ITPR1: variants seen among roughly 807,000 people sequenced by gnomAD.
The protein encoded by ITPR1 is inositol 1,4,5-trisphosphate-gated calcium channel ITPR1.
In ITPR1, 96 loss-of-function variants were observed where a neutral mutation model predicts 318.4. That is an observed-to-expected ratio of 0.30 (90% CI 0.26 to 0.36). The LOEUF (loss-of-function observed/expected upper bound fraction) is 0.36, where lower values mean the gene tolerates loss of function less well. ITPR1 is among the 10% of genes least tolerant of loss of function. The pLI, the probability that ITPR1 is intolerant of heterozygous loss-of-function variation, is 1.00. For synonymous variants in ITPR1, 1,312 were observed against 1,289.9 expected (o/e 1.02, Z -0.37); for missense variants, 2,440 against 3,460.2 (o/e 0.71, Z 7.40).
chr3:4,675,843 T>G (rs1217172183), intron 23 of ITPR1, among the ~76,000 whole-genome samples: 3 of 152,238 alleles, frequency 2.0e-5, no homozygotes, highest in African/African-American at 7.2e-5. Flanking sequence ...CATTGACTTA[T>G]CTCTATTTGC....
intron 55 of ITPR1, among the ~76,000 whole-genome samples, chr3:4,807,238 C>A (rs975706374): frequency 6.6e-6 from 1 of 151,942 alleles, no homozygotes; most frequent in African/African-American, 2.4e-5. Context: ...GAAAACCCCC[C>A]CGAAGCGCGT....
chr3:4,782,700 C>G lies in ITPR1; in HGVS notation c.6469C>G (p.Pro2157Ala), dbSNP rs772496553. The G allele has an allele frequency of 1.3e-6, 2 of 1,596,152 alleles. No individual in the cohort carries two copies. Among genetic ancestry groups the G allele is most frequent in the South Asian group, 1.1e-5 (1 of 87,860 alleles). ...GENGEDGAAS[P>A]RNVGHNIYIL... ...AAACGGTGAGGATGGGGCGGCGTCC[C>G]CCAGGAACGTGGGGCACAACATCTA... The change falls in exon 50 of 62, where the codon CCC (proline) becomes GCC (alanine). Residue 2157 changes from proline to alanine, a missense_variant. Pro to Ala is a conservative substitution (Grantham distance 27, BLOSUM62 -1). Transcript: ENST00000649015.
At chr3:4,685,643 G>T (rs1180354630) in intron 30 of ITPR1, among the ~76,000 whole-genome samples, 2 of 152,228 alleles carry the variant, frequency 1.3e-5, no homozygotes, top group Non-Finnish European at 2.9e-5. Context: ...GCTGACATCT[G>T]CTTAAGTATT....
intron 5 of ITPR1, among the ~76,000 whole-genome samples, chr3:4,639,070 T>C (rs567130031): frequency 6.6e-6 from 1 of 152,174 alleles, no homozygotes; most frequent in South Asian, 2.1e-4. Context: ...GCAAATTCCC[T>C]CCCTCCCCGA....
At chr3:4,510,830 A>G (rs1160129230) in intron 2 of ITPR1, among the ~76,000 whole-genome samples, 3 of 152,144 alleles carry the variant, frequency 2.0e-5, no homozygotes, top group Admixed American at 6.5e-5. Context: ...TGGTAGTTGA[A>G]TTCAGAGCTG....
intron 5 of ITPR1, among the ~76,000 whole-genome samples, chr3:4,635,461 C>G (rs536804525): frequency 6.6e-6 from 1 of 152,240 alleles, no homozygotes; most frequent in Admixed American, 6.5e-5. Flanking sequence ...CTGCCTCAGC[C>G]TCCCGAGTAG....
At chr3:4,800,931 G>T (rs912144760) in intron 54 of ITPR1, among the ~76,000 whole-genome samples, 13 of 152,306 alleles carry the variant, frequency 8.5e-5, no homozygotes, top group African/African-American at 2.9e-4. Context: ...TGGGACAGAA[G>T]ATTTTAGACA....
At chr3:4,705,286 TAC>T (rs1479389067) in intron 36 of ITPR1, among the ~76,000 whole-genome samples, 1 of 152,188 alleles carries the variant, frequency 6.6e-6, no homozygotes, top group African/African-American at 2.4e-5. Flanking sequence ...GCAAGGGTAA[TAC>T]AGAGAGTTCC....
chr3:4,647,099 G>C (rs2093475509), intron 10 of ITPR1, among the ~76,000 whole-genome samples: 1 of 152,044 alleles, frequency 6.6e-6, no homozygotes, highest in African/African-American at 2.4e-5. Context: ...TCCTCCTGGA[G>C]ACTTCTATTG....
intron 23 of ITPR1, 82 bp from the exon 24 acceptor site, chr3:4,676,532 C>A (rs1306669332): frequency 1.2e-5 from 12 of 1,010,292 alleles, no homozygotes; most frequent in East Asian, 2.5e-5. Flanking sequence ...TAATTTCTCT[C>A]AAAGAGCCCC....
rs192093739 is a variant in ITPR1, at chr3:4,577,440, G to C, written c.164-50323G>C. 7.2e-5 allele frequency among the ~76,000 whole-genome samples: 11 copies of C among 152,312 alleles called. No homozygotes were observed. In the East Asian group the frequency reaches 2.1e-3, roughly 29 times the overall value. ...TCACCAAACTTGCAGGGATGCTGAC[G>C]TTGCTAGCAGGCGAACCATGCTGAC... On this transcript the variant is annotated intron_variant, in intron 4 of 61. Transcript: ENST00000649015.
chr3:4,622,405 G>T (rs866148826), intron 4 of ITPR1, among the ~76,000 whole-genome samples: 2 of 150,052 alleles, frequency 1.3e-5, no homozygotes, highest in Admixed American at 6.7e-5. Flanking sequence ...AAGCCACTGC[G>T]GCCAGCCTTT....
Position 4,821,426 on chromosome 3 carries a change from C to T in ITPR1, c.8028+3184C>T, listed in dbSNP as rs375084787. On this transcript the variant is annotated intron_variant, in intron 60 of 61. Transcript: ENST00000649015. ...TCGGGCAGGGAGGAGCCCAGCTGCC[C>T]TGAGAGCAGCTCCTTGCAGACAGCA... Among the ~76,000 whole-genome samples, 6 of 152,346 alleles carry T rather than the reference C, an allele frequency of 3.9e-5. No individual in the cohort carries two copies. In the South Asian group the frequency reaches 1.2e-3, roughly 32 times the overall value.
At chr3:4,618,889 G>A (rs1282900238) in intron 4 of ITPR1, among the ~76,000 whole-genome samples, 1 of 152,204 alleles carries the variant, frequency 6.6e-6, no homozygotes, top group Non-Finnish European at 1.5e-5. Context: ...CATTTGAGCT[G>A]GGCCAGGGCA....
chr3:4,673,546 A>G (rs546964626), intron 21 of ITPR1, among the ~76,000 whole-genome samples, 159 bp downstream of exon 21: 2 of 152,134 alleles, frequency 1.3e-5, no homozygotes, highest in Non-Finnish European at 2.9e-5. Flanking sequence ...TTCCTCAAGA[A>G]TGTGAAAGAT....
chr3:4,676,421 G>A (rs1046900174), intron 23 of ITPR1, among the ~76,000 whole-genome samples, 193 bp from the exon 24 acceptor site: 8 of 152,120 alleles, frequency 5.3e-5, no homozygotes, highest in South Asian at 4.1e-4. Flanking sequence ...TTTGAAGCCC[G>A]TGATCTTTCT....
In ITPR1 at chr3:4,766,426, A is replaced by G. The variant is rs373692197; in HGVS notation, c.5545-104A>G. The stretch of plus-strand genomic sequence containing the variant: ...TTGATCTAAACTTAGATCATGCGTG[A>G]GGTTTTGCAACTGGCTCTGATCTTC... On this transcript the variant is annotated intron_variant, in intron 44 of 61. Coordinates refer to ENST00000649015, the MANE Select transcript of ITPR1 (RefSeq NM_001378452.1). The G allele has an allele frequency of 5.9e-5, 51 of 858,722 alleles. 1 individual carries two copies. The African/African-American group carries it at 7.5e-4, about 13-fold the overall frequency. 53.2% of individuals were successfully genotyped at this position (858,722 alleles called of 1,614,324 possible).
chr3:4,680,158 T>C (rs1323207816), intron 24 of ITPR1, among the ~76,000 whole-genome samples: 1 of 152,298 alleles, frequency 6.6e-6, no homozygotes, highest in African/African-American at 2.4e-5. Flanking sequence ...AAATTTTTTT[T>C]TGTTAATTCT....
At chr3:4,827,042 T>G (rs945535494) in intron 60 of ITPR1, among the ~76,000 whole-genome samples, 5 of 152,258 alleles carry the variant, frequency 3.3e-5, no homozygotes, top group African/African-American at 9.6e-5. Flanking sequence ...CATTGGCTAC[T>G]TCGTCCAACG....
Sources: allele counts gnomAD v4.1 joint callset (sites outside exome capture counted in the v4.1 genomes callset), GRCh38; gene constraint gnomAD v4.1.1; transcripts MANE v1.5; gene names NCBI Gene and HGNC (gene_info 2026-07-23, HGNC 2026-07-21).